The following EXOC6B variants were observed in gnomAD, a reference collection of about 807,000 sequenced individuals.
The protein encoded by EXOC6B is SEC15 homolog B.
A neutral mutation model predicts 113.5 loss-of-function variants in EXOC6B; 54 were observed. The ratio of observed to expected loss-of-function variants is 0.48; its 90% CI spans 0.38 to 0.60. The LOEUF (loss-of-function observed/expected upper bound fraction) is 0.60. Among genes scored for constraint, EXOC6B ranks in the 20% least tolerant of loss-of-function variants. The probability of loss-of-function intolerance (pLI) is 0.00; values close to 1 mark genes in which losing one functional copy is unlikely to be tolerated. For missense variants in EXOC6B, 797 were observed against 977.5 expected (o/e 0.82, Z 2.46); for synonymous variants, 357 against 339.0 (o/e 1.05, Z -0.58).
chr2:72,533,168 A>C (rs1280752096), intron 8 of EXOC6B, among the ~76,000 whole-genome samples: 1 of 152,182 alleles, frequency 6.6e-6, no homozygotes, highest in Non-Finnish European at 1.5e-5. Flanking sequence ...ACCTGGCATT[A>C]TGAGGGCTAT....
intron 20 of EXOC6B, among the ~76,000 whole-genome samples, chr2:72,317,710 A>G (rs927972753): frequency 2.0e-5 from 3 of 152,016 alleles, no homozygotes; most frequent in Non-Finnish European, 4.4e-5. Flanking sequence ...CCAATTTACT[A>G]TTGTTTGAGA....
chr2:72,780,405 T>A (rs993065502), intron 1 of EXOC6B, among the ~76,000 whole-genome samples: 1 of 152,204 alleles, frequency 6.6e-6, no homozygotes, highest in Non-Finnish European at 1.5e-5. Flanking sequence ...ATACAAAGAT[T>A]TTTTCAGCAT....
chr2:72,601,913 T>C (rs1423924101), intron 6 of EXOC6B, among the ~76,000 whole-genome samples: 2 of 152,172 alleles, frequency 1.3e-5, no homozygotes, highest in East Asian at 1.9e-4. Flanking sequence ...AGGAGCCAGT[T>C]TGAAGGCTAG....
intron 2 of EXOC6B, among the ~76,000 whole-genome samples, chr2:72,740,450 G>A (rs903725362): frequency 2.0e-5 from 3 of 152,180 alleles, no homozygotes; most frequent in Non-Finnish European, 4.4e-5. Context: ...GAAGTAGTTA[G>A]ATTTAAGATC....
At chr2:72,198,925 C>T (rs1164442862) in intron 20 of EXOC6B, among the ~76,000 whole-genome samples, 2 of 152,186 alleles carry the variant, frequency 1.3e-5, no homozygotes, top group Non-Finnish European at 2.9e-5. Flanking sequence ...GCAACTATGA[C>T]TGTGTGACAA....
intron 20 of EXOC6B, among the ~76,000 whole-genome samples, chr2:72,306,477 T>G (rs1686867227): frequency 6.6e-6 from 1 of 152,224 alleles, no homozygotes; most frequent in African/African-American, 2.4e-5. Context: ...ATTTGTTATT[T>G]TAATGGCAAT....
At chr2:72,375,445 A>G (rs548143463) in intron 19 of EXOC6B, among the ~76,000 whole-genome samples, 29 of 152,210 alleles carry the variant, frequency 1.9e-4, no homozygotes, top group Non-Finnish European at 4.0e-4. Context: ...AAGAACTGAA[A>G]TTATATAAAG....
chr2:72,181,464 G>A (rs898959797), intron 21 of EXOC6B, among the ~76,000 whole-genome samples: 11 of 152,304 alleles, frequency 7.2e-5, no homozygotes, highest in African/African-American at 2.4e-4. Context: ...AACTGGCCTA[G>A]TTTTAGATAG....
intron 1 of EXOC6B, among the ~76,000 whole-genome samples, chr2:72,794,634 A>G (rs1446092878): frequency 1.3e-4 from 20 of 152,236 alleles, no homozygotes; most frequent in Admixed American, 1.2e-3. Context: ...TAAATGACCA[A>G]AGAAACACTG....
chr2:72,321,528 C>T (rs1384651120), intron 20 of EXOC6B, among the ~76,000 whole-genome samples: 6 of 126,088 alleles, frequency 4.8e-5, no homozygotes, highest in African/African-American at 6.4e-5. Flanking sequence ...AGAGAGACTC[C>T]GTCTCAAAAA....
intron 20 of EXOC6B, among the ~76,000 whole-genome samples, chr2:72,277,161 T>C (rs1278378218): frequency 2.0e-5 from 3 of 152,174 alleles, no homozygotes; most frequent in Admixed American, 2.0e-4. Flanking sequence ...CTGAATGTTT[T>C]GTTATTGTTG....
intron 11 of EXOC6B, among the ~76,000 whole-genome samples, chr2:72,502,844 T>A (rs757072081): frequency 1.4e-4 from 22 of 152,166 alleles, no homozygotes; most frequent in Non-Finnish European, 3.2e-4. Flanking sequence ...CTACACCAAC[T>A]ATTCTTGTTT....
At chr2:72,341,018 T>C (rs58582296) in intron 19 of EXOC6B, among the ~76,000 whole-genome samples, 29,491 of 151,650 alleles carry the variant, frequency 0.19, 5,173 homozygotes, top group African/African-American at 0.47. Context: ...GAGGAGGAGG[T>C]GGAGGTGGAA....
At chr2:72,701,464 C>T (rs183421153) in intron 6 of EXOC6B, among the ~76,000 whole-genome samples, 17 of 151,266 alleles carry the variant, frequency 1.1e-4, no homozygotes, top group Non-Finnish European at 1.9e-4. Flanking sequence ...GCAAAGTAAA[C>T]ACCTAAGAAA....
At chr2:72,502,782 T>C (rs1249474320) in intron 11 of EXOC6B, among the ~76,000 whole-genome samples, 1 of 152,166 alleles carries the variant, frequency 6.6e-6, no homozygotes, top group Non-Finnish European at 1.5e-5. Context: ...TACAGTCCCT[T>C]CTTTCGTCAC....
intron 6 of EXOC6B, among the ~76,000 whole-genome samples, chr2:72,681,950 G>A (rs1676732995): frequency 6.7e-6 from 1 of 148,370 alleles, no homozygotes. Context: ...CCAAGAAATA[G>A]AAGGAAGGCC....
chr2:72,580,940 T>C (rs1705183125), intron 6 of EXOC6B, among the ~76,000 whole-genome samples: 1 of 152,234 alleles, frequency 6.6e-6, no homozygotes, highest in Non-Finnish European at 1.5e-5. Context: ...ATTATACCAT[T>C]GTACTGACTC....
At chr2:72,430,687 C>T (rs1429438454) in intron 18 of EXOC6B, among the ~76,000 whole-genome samples, 2 of 152,112 alleles carry the variant, frequency 1.3e-5, no homozygotes, top group African/African-American at 2.4e-5. Context: ...CTTAAAAATT[C>T]ATATCAGAGA....
intron 19 of EXOC6B, among the ~76,000 whole-genome samples, chr2:72,347,218 T>C (rs1347431082): frequency 6.6e-6 from 1 of 152,154 alleles, no homozygotes; most frequent in Non-Finnish European, 1.5e-5. Context: ...CCTCTCCCAG[T>C]TGGCAATCAG....
Sources: allele counts gnomAD v4.1 joint callset (sites outside exome capture counted in the v4.1 genomes callset), GRCh38; gene constraint gnomAD v4.1.1; transcripts MANE v1.5; gene names NCBI Gene and HGNC (gene_info 2026-07-23, HGNC 2026-07-21).